The following CDH20 variants were observed in gnomAD, a reference collection of about 807,000 sequenced individuals.
CDH20 encodes the protein cadherin-20.
Under a neutral mutation model 74.2 loss-of-function variants are expected in CDH20, and 29 were observed. The observed-to-expected ratio is 0.39, with a 90% confidence interval of 0.29 to 0.53. The LOEUF is 0.53. CDH20 is among the 20% of genes least tolerant of loss of function. The probability of loss-of-function intolerance (pLI) is 0.69; values close to 1 mark genes in which losing one functional copy is unlikely to be tolerated. For missense variants in CDH20, 988 were observed against 1,048.3 expected (o/e 0.94, Z 0.79); for synonymous variants, 469 against 405.4 (o/e 1.16, Z -1.88).
At chr18:61,482,292 G>C (rs520822) in intron 1 of CDH20, among the ~76,000 whole-genome samples, 151,073 of 152,334 alleles carry the variant, frequency 0.99, 74,928 homozygotes, top group Middle Eastern at 1. Flanking sequence ...AATTTATCAC[G>C]TTGGCTCTAA....
At chr18:61,472,367 G>A (rs1406228703) in intron 1 of CDH20, among the ~76,000 whole-genome samples, 2 of 151,730 alleles carry the variant, frequency 1.3e-5, no homozygotes, top group East Asian at 3.9e-4. Flanking sequence ...AAGTTACTGG[G>A]CTGATGTCCT....
intron 1 of CDH20, among the ~76,000 whole-genome samples, chr18:61,449,767 T>C (rs184456249): frequency 6.7e-6 from 1 of 150,360 alleles, no homozygotes; most frequent in Non-Finnish European, 1.5e-5. Context: ...GAAAAAAATA[T>C]ATATATATAT....
chr18:61,374,274 T>C (rs1360156716), intron 1 of CDH20, among the ~76,000 whole-genome samples: 1 of 152,082 alleles, frequency 6.6e-6, no homozygotes, highest in African/African-American at 2.4e-5. Flanking sequence ...GGTGCATAAC[T>C]AACTACACCT....
chr18:61,519,319 G>T (rs897293286), intron 6 of CDH20, among the ~76,000 whole-genome samples: 3 of 151,054 alleles, frequency 2.0e-5, no homozygotes, highest in Non-Finnish European at 4.4e-5. Flanking sequence ...ACACATAATC[G>T]TCAGATTCAC....
intron 1 of CDH20, among the ~76,000 whole-genome samples, chr18:61,478,456 G>A (rs1273529452): frequency 6.6e-6 from 1 of 151,786 alleles, no homozygotes; most frequent in Admixed American, 6.6e-5. Flanking sequence ...TTCTACCTTT[G>A]ATAAAGGTAG....
intron 10 of CDH20, among the ~76,000 whole-genome samples, chr18:61,547,389 T>C (rs1225628126): frequency 6.6e-6 from 1 of 152,220 alleles, no homozygotes; most frequent in Admixed American, 6.5e-5. Flanking sequence ...CAACTACCTC[T>C]GTTCCTGTGC....
intron 1 of CDH20, among the ~76,000 whole-genome samples, chr18:61,431,534 A>G (rs891727519): frequency 2.6e-5 from 4 of 152,310 alleles, no homozygotes; most frequent in Middle Eastern, 3.4e-3. Context: ...GTAAGAGGAA[A>G]CTAATAGGGT....
At chr18:61,544,450 A>G (rs1913154507) in intron 9 of CDH20, among the ~76,000 whole-genome samples, 1 of 152,246 alleles carries the variant, frequency 6.6e-6, no homozygotes, top group Non-Finnish European at 1.5e-5. Context: ...CAGATCACAC[A>G]TGGGCTGGAA....
intron 1 of CDH20, among the ~76,000 whole-genome samples, chr18:61,380,866 C>A (rs1213178587): frequency 2.0e-5 from 3 of 152,136 alleles, no homozygotes; most frequent in African/African-American, 7.2e-5. Context: ...AGAAATACTT[C>A]TTGGTCAGTT....
At chr18:61,533,219 G>C (rs1475423051) in intron 7 of CDH20, among the ~76,000 whole-genome samples, 1 of 152,122 alleles carries the variant, frequency 6.6e-6, no homozygotes, top group African/African-American at 2.4e-5. Context: ...GAGGCGGAAG[G>C]ATCACTGGAG....
At chr18:61,366,118 T>G (rs1290378457) in intron 1 of CDH20, among the ~76,000 whole-genome samples, 1 of 152,202 alleles carries the variant, frequency 6.6e-6, no homozygotes, top group South Asian at 2.1e-4. Flanking sequence ...TAATCTGTAA[T>G]GCTGAACTCT....
At position 61,528,108 on chromosome 18, in the gene CDH20, CCT is replaced by C; in HGVS notation, c.1160_1161del (p.Pro387ArgfsTer3). The C allele has an allele frequency of 6.2e-7, 1 of 1,614,120 alleles. No individual in the cohort carries two copies. Among genetic ancestry groups the C allele is most frequent in the Non-Finnish European group, 8.5e-7 (1 of 1,180,032 alleles). On this transcript the variant is annotated frameshift_variant, in exon 7 of 12. Transcript: ENST00000262717. LOFTEE classifies it high-confidence loss of function. ...HISVEDVDEPPVFEPGFYFVE... is the reference protein window; with the variant it reads ...HISVEDVDEPXVFEPGFYFVE... ...CAGTGTGGAAGACGTGGACGAGCCC[CCT>C]GTGTTTGAACCTGGCTTTTACTTTG... is the stretch of plus-strand genomic sequence containing the variant.
At position 61,445,032 on chromosome 18, in the gene CDH20, T is replaced by C. The variant is rs147796205; in HGVS notation, c.-152-45370T>C. On this transcript the variant is annotated intron_variant, in intron 1 of 11. Transcript: ENST00000262717. ...AAATTTATATCATTTATTAATATCA[T>C]CCATTCTGAAACTTCATTACTATCT... 1.3e-3 allele frequency among the ~76,000 whole-genome samples: 194 copies of C among 152,274 alleles called. 1 individual carries two copies. Among genetic ancestry groups the C allele is most frequent in the African/African-American group, 4.4e-3 (183 of 41,564 alleles).
chr18:61,386,871 T>C (rs548213237), intron 1 of CDH20, among the ~76,000 whole-genome samples: 64 of 152,314 alleles, frequency 4.2e-4, no homozygotes, highest in African/African-American at 1.2e-3. Context: ...GAGAAAAAGA[T>C]TGAAAGTAAA....
In CDH20 at chr18:61,504,967, G is replaced by A. The variant is rs547411233; in HGVS notation, c.829+1847G>A. Among the ~76,000 whole-genome samples the A allele has an allele frequency of 4.6e-5, 7 of 152,018 alleles. No individual in the cohort carries two copies. In the South Asian group the frequency reaches 6.2e-4, roughly 14 times the overall value. On this transcript the variant is annotated intron_variant, in intron 5 of 11. Transcript: ENST00000262717. ...TGCTTGGTCCAACAGTGCAGAATTCGTATTCTGCATCACAGAACAGTTTGT... is the reference window on the plus strand; with the variant it reads ...TGCTTGGTCCAACAGTGCAGAATTCATATTCTGCATCACAGAACAGTTTGT...
At chr18:61,376,736 AT>A (rs772565564) in intron 1 of CDH20, among the ~76,000 whole-genome samples, 1 of 152,154 alleles carries the variant, frequency 6.6e-6, no homozygotes, top group Non-Finnish European at 1.5e-5. Context: ...ATGTGTGTGT[AT>A]TTGGAGGTAT....
rs898945778 is a variant in CDH20, at chr18:61,339,681, A to ATTT, written c.-153+5876_-153+5878dup. Among the ~76,000 whole-genome samples the ATTT allele has an allele frequency of 2.0e-3, 174 of 88,410 alleles. 1 individual carries two copies. Among genetic ancestry groups the ATTT allele is most frequent in the South Asian group, 4.1e-3 (9 of 2,212 alleles). 58.0% of individuals were successfully genotyped at this position (88,410 alleles called of 152,430 possible). A position where few individuals can be genotyped will look rare whatever the true frequency, so the allele number is the denominator to read the frequency against. The stretch of plus-strand genomic sequence containing the variant: ...ATGGATACATCTGATGGTCATAGAA[A>ATTT]TTTTTTTTTTTTTTTTTTTTTTTTG... On this transcript the variant is annotated intron_variant, in intron 1 of 11. Coordinates refer to ENST00000262717, the MANE Select transcript of CDH20 (RefSeq NM_031891.4).
chr18:61,379,342 T>A (rs908169759), intron 1 of CDH20, among the ~76,000 whole-genome samples: 4 of 152,204 alleles, frequency 2.6e-5, no homozygotes, highest in African/African-American at 9.6e-5. Flanking sequence ...TAGGGCTCTT[T>A]GAGAAACTTG....
chr18:61,480,718 T>C (rs1454627025), intron 1 of CDH20, among the ~76,000 whole-genome samples: 1 of 152,244 alleles, frequency 6.6e-6, no homozygotes, highest in African/African-American at 2.4e-5. Context: ...TCCTTTCACA[T>C]AGGTCACTGT....
Sources: gnomAD v4.1 joint callset for allele counts (sites outside exome capture counted in the v4.1 genomes callset) on GRCh38, gnomAD v4.1.1 for gene constraint, MANE v1.5 for transcripts, NCBI Gene and HGNC (gene_info 2026-07-23, HGNC 2026-07-21) for gene names.